The following ARMC9 variants were observed in gnomAD, a reference collection of about 807,000 sequenced individuals.
The protein encoded by ARMC9 is armadillo repeat containing 9.
In ARMC9, 94 loss-of-function variants were observed where a neutral mutation model predicts 107.0. The ratio of observed to expected loss-of-function variants is 0.88; its 90% CI spans 0.74 to 1.04. The LOEUF (loss-of-function observed/expected upper bound fraction) is 1.04. Ranked by LOEUF, ARMC9 falls within the 50% of genes least tolerant of loss-of-function variation. The probability of loss-of-function intolerance (pLI) is 0.00; values close to 1 mark genes in which losing one functional copy is unlikely to be tolerated. For missense variants in ARMC9, 942 were observed against 1,030.1 expected (o/e 0.91, Z 1.17); for synonymous variants, 380 against 396.9 (o/e 0.96, Z 0.51).
At chr2:231,208,326 G>T (rs778012754) in intron 3 of ARMC9, 74 bp downstream of exon 3, 1 of 1,201,070 alleles carries the variant, frequency 8.3e-7, no homozygotes, top group Non-Finnish European at 1.2e-6. Flanking sequence ...GCTGCTGTTG[G>T]ATAGTGCTAG....
At chr2:231,249,581 T>C (rs1397180283) in intron 9 of ARMC9, among the ~76,000 whole-genome samples, 1 of 151,930 alleles carries the variant, frequency 6.6e-6, no homozygotes, top group Non-Finnish European at 1.5e-5. Flanking sequence ...TGAGAAGGGA[T>C]GGATGGGGGC....
In ARMC9 at chr2:231,374,005, A is replaced by G. The variant is rs544149418; in HGVS notation, c.*2470A>G. 19 of 152,182 alleles carry G rather than the reference A, an allele frequency of 1.2e-4. No individual in the cohort carries two copies. The highest frequency in any genetic ancestry group is 3.9e-4 in the African/African-American group (16 of 41,524). 9.4% of individuals were successfully genotyped at this position (152,182 alleles called of 1,614,324 possible). A position where few individuals can be genotyped will look rare whatever the true frequency, so the allele number is the denominator to read the frequency against. On this transcript the variant is annotated 3_prime_UTR_variant, in exon 25 of 25. Coordinates refer to ENST00000611582, the MANE Select transcript of ARMC9 (RefSeq NM_001352754.2). ...TCTGCGCCACGCCCTGGGAGAGTACACTCCTGGGCTCACGCCTCTGCATTC... is the reference window on the plus strand; with the variant it reads ...TCTGCGCCACGCCCTGGGAGAGTACGCTCCTGGGCTCACGCCTCTGCATTC...
At chr2:231,249,152 G>A (rs776080089) in intron 9 of ARMC9, among the ~76,000 whole-genome samples, 9 of 152,080 alleles carry the variant, frequency 5.9e-5, no homozygotes, top group Middle Eastern at 3.2e-3. Flanking sequence ...ACTGGCCCGC[G>A]CACCCCTGCC....
intron 9 of ARMC9, among the ~76,000 whole-genome samples, chr2:231,253,810 G>C (rs2037513563): frequency 6.6e-6 from 1 of 152,182 alleles, no homozygotes; most frequent in African/African-American, 2.4e-5. Flanking sequence ...GAAAGGGGTG[G>C]TTTATTTCAT....
At chr2:231,262,487 C>T (rs1406107803) in intron 12 of ARMC9, 89 bp downstream of exon 12, 4 of 1,262,502 alleles carry the variant, frequency 3.2e-6, no homozygotes, top group Admixed American at 3.5e-5. Flanking sequence ...AATTTCTCTG[C>T]ACATTTTCAG....
In ARMC9 at chr2:231,278,429, T is replaced by C. The variant is rs1237651606; in HGVS notation, c.1522T>C (p.Ser508Pro). The change falls in exon 16 of 25, where the codon TCG (serine) becomes CCG (proline). Residue 508 changes from serine to proline, a missense_variant. By Grantham distance (74) the Ser-to-Pro change is moderately conservative. Coordinates refer to ENST00000611582, the MANE Select transcript of ARMC9 (RefSeq NM_001352754.2). The stretch of plus-strand genomic sequence containing the variant: ...GGCAGGCCTCGTGCTCAAAGTCCTT[T>C]CGGATCTTCTTGGCCATGAAAACCA... ...KVAGLVLKVL[S>P]DLLGHENHEI... The C allele has an allele frequency of 6.2e-7, 1 of 1,613,982 alleles. No individual in the cohort carries two copies. Among genetic ancestry groups the C allele is most frequent in the Admixed American group, 1.7e-5 (1 of 60,006 alleles).
intron 16 of ARMC9, among the ~76,000 whole-genome samples, chr2:231,279,686 A>G (rs1461133678): frequency 6.6e-6 from 1 of 151,324 alleles, no homozygotes; most frequent in African/African-American, 2.4e-5. Context: ...AATTTTTTGT[A>G]TTTTTAGTAG....
Position 231,270,976 on chromosome 2 carries a change from C to T in ARMC9, c.1120-6C>T. 6.2e-7 allele frequency: 1 copy of T among 1,613,760 alleles called. No homozygotes were observed. Among genetic ancestry groups the T allele is most frequent in the Non-Finnish European group, 8.5e-7 (1 of 1,179,750 alleles). ...CCTTGTTTTTCCTCTTGACGTTTTCCCCCAGAGGAGTGTGCTTCAGTTGCT... is the reference window on the plus strand; with the variant it reads ...CCTTGTTTTTCCTCTTGACGTTTTCTCCCAGAGGAGTGTGCTTCAGTTGCT... On this transcript the variant is annotated splice_region_variant and splice_polypyrimidine_tract_variant and intron_variant, in intron 12 of 24. Coordinates refer to ENST00000611582, the MANE Select transcript of ARMC9 (RefSeq NM_001352754.2).
intron 20 of ARMC9, among the ~76,000 whole-genome samples, chr2:231,335,555 G>A (rs984944520): frequency 6.6e-6 from 1 of 152,166 alleles, no homozygotes; most frequent in African/African-American, 2.4e-5. Context: ...AGAGCACGGC[G>A]ATCTCAGAAA....
intron 8 of ARMC9, among the ~76,000 whole-genome samples, chr2:231,235,903 A>T (rs940958252): frequency 3.9e-5 from 6 of 152,140 alleles, no homozygotes; most frequent in Non-Finnish European, 8.8e-5. Flanking sequence ...TGGCCTCCCA[A>T]AGTGCTGGTA....
chr2:231,354,482 A>G (rs969901997), intron 21 of ARMC9, among the ~76,000 whole-genome samples: 7 of 150,544 alleles, frequency 4.6e-5, no homozygotes, highest in African/African-American at 1.7e-4. Flanking sequence ...CCCTGGCTCA[A>G]GCGATTCTCC....
At chr2:231,314,835 A>G (rs545203648) in intron 19 of ARMC9, among the ~76,000 whole-genome samples, 3 of 152,350 alleles carry the variant, frequency 2.0e-5, no homozygotes, top group African/African-American at 7.2e-5. Context: ...TTTGTGTGTG[A>G]TGTGAGATAA....
At chr2:231,342,648 A>G (rs562224988) in intron 20 of ARMC9, among the ~76,000 whole-genome samples, 3 of 152,082 alleles carry the variant, frequency 2.0e-5, no homozygotes, top group East Asian at 3.9e-4. Flanking sequence ...CCGACCCTAG[A>G]TCCTCCTGGA....
At chr2:231,279,320 C>G (rs138014084) in intron 16 of ARMC9, among the ~76,000 whole-genome samples, 14 of 152,142 alleles carry the variant, frequency 9.2e-5, no homozygotes, top group South Asian at 2.1e-4. Context: ...AACAAATAAT[C>G]AAATATGATT....
At chr2:231,205,971 C>T (rs2031924116) in intron 1 of ARMC9, among the ~76,000 whole-genome samples, 1 of 152,190 alleles carries the variant, frequency 6.6e-6, no homozygotes, top group South Asian at 2.1e-4. Context: ...CTTGGGCCCA[C>T]CTGGGTAATC....
chr2:231,266,716 T>A (rs1307746713), intron 12 of ARMC9, among the ~76,000 whole-genome samples: 2 of 152,182 alleles, frequency 1.3e-5, no homozygotes, highest in Admixed American at 6.5e-5. Context: ...TTTTTCTTTT[T>A]GTGACTGGCT....
intron 14 of ARMC9, 40 bp from the exon 15 acceptor site, chr2:231,276,596 T>G (rs764765145): frequency 2.1e-5 from 34 of 1,612,954 alleles, no homozygotes. Flanking sequence ...ATGAAAAGTT[T>G]CTTGGCAGTT....
chr2:231,285,096 G>A (rs2040490634), intron 17 of ARMC9, among the ~76,000 whole-genome samples: 1 of 152,098 alleles, frequency 6.6e-6, no homozygotes, highest in African/African-American at 2.4e-5. Context: ...TACTCAGGAG[G>A]CTGAGGCAGG....
chr2:231,208,097 C>G, intron 2 of ARMC9, 30 bp from the exon 3 acceptor site: 1 of 964,574 alleles, frequency 1.0e-6, no homozygotes, highest in Non-Finnish European at 1.6e-6. Flanking sequence ...GTTTGTTTTG[C>G]TGTTGAATTG....
Sources: gnomAD v4.1 joint callset for allele counts (sites outside exome capture counted in the v4.1 genomes callset) on GRCh38, gnomAD v4.1.1 for gene constraint, MANE v1.5 for transcripts, NCBI Gene and HGNC (gene_info 2026-07-23, HGNC 2026-07-21) for gene names.